Variants in TIMP2 observed in about 807,000 individuals in gnomAD.
TIMP2 encodes the protein TIMP metallopeptidase inhibitor 2.
Under a neutral mutation model 24.3 loss-of-function variants are expected in TIMP2, and 5 were observed. That is an observed-to-expected ratio of 0.21 (90% CI 0.11 to 0.43). The LOEUF (loss-of-function observed/expected upper bound fraction) is 0.43, where lower values mean the gene tolerates loss of function less well. Ranked by LOEUF, TIMP2 falls within the 20% of genes least tolerant of loss-of-function variation. The pLI, the probability that TIMP2 is intolerant of heterozygous loss-of-function variation, is 1.00. For synonymous variants in TIMP2, 130 were observed against 123.2 expected (o/e 1.06, Z -0.37); for missense variants, 221 against 297.5 (o/e 0.74, Z 1.89).
At chr17:78,888,153 TTC>T (rs1207856972) in intron 1 of TIMP2, among the ~76,000 whole-genome samples, 1 of 146,506 alleles carries the variant, frequency 6.8e-6, no homozygotes, top group Non-Finnish European at 1.5e-5. Flanking sequence ...ATCTTTTTGT[TTC>T]TTTTTTTTTT....
chr17:78,888,457 G>A (rs1378803736), intron 1 of TIMP2, among the ~76,000 whole-genome samples: 1 of 150,528 alleles, frequency 6.6e-6, no homozygotes, highest in Non-Finnish European at 1.5e-5. Context: ...ACCGCGTCCA[G>A]TATCTTTTTG....
At chr17:78,901,958 C>T in intron 1 of TIMP2, 1 of 595,424 alleles carries the variant, frequency 1.7e-6, no homozygotes. Context: ...CCAGATAAAA[C>T]AAACATCAGA....
At position 78,855,932 on chromosome 17, in the gene TIMP2, G is replaced by T; in HGVS notation, c.466-68C>A. 1 of 1,530,428 alleles carries T rather than the reference G, an allele frequency of 6.5e-7. No homozygotes were observed. The highest frequency in any genetic ancestry group is 9.0e-7 in the Non-Finnish European group (1 of 1,108,110). The allele number at this position is 1,530,428 out of a possible 1,614,324, so 94.8% of individuals were successfully genotyped here. On this transcript the variant is annotated intron_variant, in intron 4 of 4. Transcript: ENST00000262768. This position sits in a 1 kb window ranked among gnomAD's most constrained non-coding sequence, Gnocchi z 6.0. Reference sequence around the variant, plus strand: ...GAAGGGGTGGGCAGAGGCTGCTCTGGGGGCATGTCCAGAACCCGGCAATGT... The same window carrying T: ...GAAGGGGTGGGCAGAGGCTGCTCTGTGGGCATGTCCAGAACCCGGCAATGT...
At chr17:78,868,612 A>G (rs2069639618) in intron 3 of TIMP2, among the ~76,000 whole-genome samples, 1 of 152,134 alleles carries the variant, frequency 6.6e-6, no homozygotes, top group African/African-American at 2.4e-5. Context: ...GAGGAGGGGA[A>G]TAATGTTCCT....
intron 1 of TIMP2, among the ~76,000 whole-genome samples, chr17:78,901,588 G>C (rs1352400178): frequency 2.0e-5 from 3 of 152,140 alleles, no homozygotes; most frequent in Non-Finnish European, 4.4e-5. Flanking sequence ...TGTTTGCAAA[G>C]GATAGAAAAG....
At position 78,907,209 on chromosome 17, in the gene TIMP2, A is replaced by AT. The variant is rs932188013; in HGVS notation, c.130+17749dup. On this transcript the variant is annotated intron_variant, in intron 1 of 4. Coordinates refer to ENST00000262768, the MANE Select transcript of TIMP2 (RefSeq NM_003255.5). ...CCACCACACCCAGCTAAGTTCTTTA[A>AT]TTTTTTGTGGAGATGGGGTCTTGTC... Among the ~76,000 whole-genome samples the AT allele has an allele frequency of 4.7e-5, 7 of 150,128 alleles. No homozygotes were observed. In the South Asian group the frequency reaches 1.1e-3, roughly 23 times the overall value.
At chr17:78,871,109 G>A in intron 2 of TIMP2, 103 bp from the exon 3 acceptor site, 1 of 840,384 alleles carries the variant, frequency 1.2e-6, no homozygotes, top group Non-Finnish European at 1.9e-6. Flanking sequence ...TGTAGCTGGG[G>A]TACAGCCAGC....
intron 1 of TIMP2, among the ~76,000 whole-genome samples, chr17:78,914,981 C>T (rs945349198): frequency 6.6e-6 from 1 of 151,196 alleles, no homozygotes; most frequent in African/African-American, 2.4e-5. Flanking sequence ...ACTGCAACCT[C>T]CGCCTCCCGG....
intron 3 of TIMP2, among the ~76,000 whole-genome samples, chr17:78,860,722 A>T (rs547194378): frequency 1.3e-5 from 2 of 152,294 alleles, no homozygotes; most frequent in African/African-American, 4.8e-5. Context: ...TCATAAGGTA[A>T]ATGTTTGGGT....
chr17:78,892,651 G>A lies in TIMP2; in HGVS notation c.131-18732C>T, dbSNP rs914278934. 3 of 778,590 alleles carry A rather than the reference G, an allele frequency of 3.9e-6. No homozygotes were observed. The African/African-American group carries it at 5.2e-5, about 14-fold the overall frequency. The allele number at this position is 778,590 out of a possible 1,614,324, so 48.2% of individuals were successfully genotyped here. On this transcript the variant is annotated intron_variant, in intron 1 of 4. Transcript: ENST00000262768. ...TTTCTGTCCTGTACACTTTTGACAA[G>A]AGCCTGTAGGGCAGCTGTTTTGAAC...
rs1175836270 is a variant in TIMP2, at chr17:78,855,333, T to A, written c.*334A>T. The A allele has an allele frequency of 5.2e-5, 20 of 384,096 alleles. No individual in the cohort carries two copies. The East Asian group carries it at 9.4e-4, about 18-fold the overall frequency. 23.8% of individuals were successfully genotyped at this position (384,096 alleles called of 1,614,324 possible). ...GCCCTGCCCTAACCCAGCTGGGAGA[T>A]CCCTAAGTGCTGCCTGCTTGGCATC... On this transcript the variant is annotated 3_prime_UTR_variant, in exon 5 of 5. Coordinates refer to ENST00000262768, the MANE Select transcript of TIMP2 (RefSeq NM_003255.5). The surrounding 1 kb of genome is among the most constrained non-coding windows in gnomAD (Gnocchi z 6.0).
At chr17:78,905,710 G>C (rs1035103608) in intron 1 of TIMP2, among the ~76,000 whole-genome samples, 5 of 152,226 alleles carry the variant, frequency 3.3e-5, no homozygotes, top group African/African-American at 1.2e-4. Flanking sequence ...AGCTCTAGAA[G>C]GCAGCCCCAT....
intron 1 of TIMP2, among the ~76,000 whole-genome samples, chr17:78,917,251 C>CAAAAAAAAA (rs10592875): frequency 5.0e-4 from 39 of 77,410 alleles, no homozygotes; most frequent in Non-Finnish European, 6.3e-4. Context: ...GACTCCGTCT[C>CAAAAAAAAA]AAAAAAAAAA....
intron 1 of TIMP2, among the ~76,000 whole-genome samples, chr17:78,911,759 A>C (rs1040840886): frequency 2.0e-5 from 3 of 152,072 alleles, no homozygotes; most frequent in Non-Finnish European, 4.4e-5. Flanking sequence ...CAAAAATTTA[A>C]TCTTGGCAGG....
intron 3 of TIMP2, among the ~76,000 whole-genome samples, chr17:78,865,624 C>CAA (rs35179698): frequency 0.015 from 1,793 of 117,626 alleles, 29 homozygotes; most frequent in East Asian, 0.042. Context: ...AACTCTGTCT[C>CAA]AAAAAAAAAA....
intron 1 of TIMP2, among the ~76,000 whole-genome samples, chr17:78,876,137 T>C (rs556953683): frequency 6.6e-6 from 1 of 152,176 alleles, no homozygotes; most frequent in East Asian, 1.9e-4. Context: ...CAGCTGTCTT[T>C]TTTTATTCAC....
At chr17:78,866,242 C>T (rs1488792705) in intron 3 of TIMP2, among the ~76,000 whole-genome samples, 1 of 152,212 alleles carries the variant, frequency 6.6e-6, no homozygotes, top group Non-Finnish European at 1.5e-5. Context: ...TGCCACACTG[C>T]AGACCATGCC....
intron 1 of TIMP2, among the ~76,000 whole-genome samples, chr17:78,889,894 C>A (rs557367074): frequency 6.6e-6 from 1 of 152,156 alleles, no homozygotes; most frequent in African/African-American, 2.4e-5. Flanking sequence ...CCAAGGCAGG[C>A]GGATCACGAG....
intron 1 of TIMP2, chr17:78,901,885 G>C (rs2070099149): frequency 3.0e-6 from 2 of 662,920 alleles, no homozygotes; most frequent in Non-Finnish European, 5.6e-6. Flanking sequence ...GGGCTGTCTT[G>C]AAATCACTGG....
Sources: gnomAD v4.1 joint callset for allele counts (sites outside exome capture counted in the v4.1 genomes callset) on GRCh38, gnomAD v4.1.1 for gene constraint, Gnocchi (gnomAD v3.1) non-coding constraint, MANE v1.5 for transcripts, NCBI Gene and HGNC (gene_info 2026-07-23, HGNC 2026-07-21) for gene names.